Variants in FBRSL1 observed in about 807,000 individuals in gnomAD.
FBRSL1 encodes the protein fibrosin-1-like protein.
Under a neutral mutation model 89.6 loss-of-function variants are expected in FBRSL1, and 51 were observed. The ratio of observed to expected loss-of-function variants is 0.57; its 90% confidence interval spans 0.45 to 0.72. The LOEUF is 0.72. Among genes scored for constraint, FBRSL1 ranks in the 30% least tolerant of loss-of-function variants. The pLI is 0.00. For missense variants in FBRSL1, 1,618 were observed against 1,451.8 expected (o/e 1.11, Z -1.86); for synonymous variants, 779 against 681.1 (o/e 1.14, Z -2.24).
At chr12:132,582,402 G>A in intron 18 of FBRSL1, 136 bp downstream of exon 18, 2 of 635,844 alleles carry the variant, frequency 3.1e-6, no homozygotes, top group Non-Finnish European at 5.3e-6. Context: ...CCCTCCCCCT[G>A]TTCCCCTTCC....
chr12:132,528,412 G>A (rs978800623), intron 4 of FBRSL1, among the ~76,000 whole-genome samples: 1 of 152,160 alleles, frequency 6.6e-6, no homozygotes, highest in African/African-American at 2.4e-5. Context: ...TGCCCATGGT[G>A]TGAGCAGCCA....
chr12:132,551,494 G>A (rs1012809213), intron 5 of FBRSL1: 1 of 456,210 alleles, frequency 2.2e-6, no homozygotes, highest in African/African-American at 2.0e-5. Context: ...GAGTGGTGGG[G>A]AGGGCGCGGG....
intron 1 of FBRSL1, among the ~76,000 whole-genome samples, chr12:132,496,246 C>T (rs1048166054): frequency 6.6e-6 from 1 of 152,200 alleles, no homozygotes; most frequent in African/African-American, 2.4e-5. Flanking sequence ...GCTCTCGTGC[C>T]CCAGCTGTCC....
chr12:132,572,117 G>A lies in FBRSL1; in HGVS notation c.1378-171G>A, dbSNP rs576715212. The stretch of plus-strand genomic sequence containing the variant: ...CCGCCCTGGTCTGAGACTGAGTTCA[G>A]AGCCGTGGGGCTGGCGCTCTAGAGG... On this transcript the variant is annotated intron_variant, in intron 9 of 18. Coordinates refer to ENST00000680143, the MANE Select transcript of FBRSL1 (RefSeq NM_001367871.1). 2.8e-4 allele frequency: 174 copies of A among 617,078 alleles called. No homozygotes were observed. In the East Asian group the frequency reaches 4.7e-3, roughly 17 times the overall value. 38.2% of individuals were successfully genotyped at this position (617,078 alleles called of 1,614,324 possible). A position where few individuals can be genotyped will look rare whatever the true frequency, so the allele number is the denominator to read the frequency against.
In FBRSL1 at chr12:132,583,864, C is replaced by G. The variant is rs915000984; in HGVS notation, c.*86C>G. ...CCTAGAACTCAAGCACAGCTCCCGC[C>G]GATCCTGGGGCGGCGCCGCCTCTCC... is the stretch of plus-strand genomic sequence containing the variant. On this transcript the variant is annotated 3_prime_UTR_variant, in exon 19 of 19. Transcript: ENST00000680143. 5 of 825,246 alleles carry G rather than the reference C, an allele frequency of 6.1e-6. No homozygotes were observed. The highest frequency in any genetic ancestry group is 7.7e-6 in the Non-Finnish European group (5 of 650,656). The allele number at this position is 825,246 out of a possible 1,614,324, so 51.1% of individuals were successfully genotyped here. A position where few individuals can be genotyped will look rare whatever the true frequency, so the allele number is the denominator to read the frequency against.
At chr12:132,541,521 T>A (rs1351329645) in intron 4 of FBRSL1, among the ~76,000 whole-genome samples, 1 of 152,194 alleles carries the variant, frequency 6.6e-6, no homozygotes, top group Non-Finnish European at 1.5e-5. Context: ...GGCAGCCCAG[T>A]TCTGCCCATG....
rs940191236 is a variant in FBRSL1 at position 132,509,731 on chromosome 12, C to T, written c.489+1381C>T. The T allele has an allele frequency of 7.1e-5, 87 of 1,231,322 alleles. No individual in the cohort carries two copies. The Middle Eastern group carries it at 9.4e-4, about 13-fold the overall frequency. 76.3% of individuals were successfully genotyped at this position (1,231,322 alleles called of 1,614,324 possible). A position where few individuals can be genotyped will look rare whatever the true frequency, so the allele number is the denominator to read the frequency against. Reference sequence around the variant, plus strand: ...TGGCACCGCTGCCGACCCCTGCGGCCGTGGGCCAGCCCGTGTCACTGTGGC... The same window carrying T: ...TGGCACCGCTGCCGACCCCTGCGGCTGTGGGCCAGCCCGTGTCACTGTGGC... On this transcript the variant is annotated intron_variant, in intron 2 of 18. Coordinates refer to ENST00000680143, the MANE Select transcript of FBRSL1 (RefSeq NM_001367871.1).
At chr12:132,545,748 G>A (rs986734831) in intron 4 of FBRSL1, among the ~76,000 whole-genome samples, 2 of 152,216 alleles carry the variant, frequency 1.3e-5, no homozygotes, top group Non-Finnish European at 1.5e-5. Flanking sequence ...CCCAGGCCAC[G>A]GGTGCACCCA....
At chr12:132,494,850 T>C (rs1157916676) in intron 1 of FBRSL1, among the ~76,000 whole-genome samples, 1 of 151,912 alleles carries the variant, frequency 6.6e-6, no homozygotes, top group African/African-American at 2.4e-5. Flanking sequence ...TGGCCAGCGG[T>C]CTCCTCTAAC....
intron 2 of FBRSL1, chr12:132,509,568 C>G (rs1371886309): frequency 8.1e-7 from 1 of 1,232,522 alleles, no homozygotes; most frequent in East Asian, 3.2e-5. Context: ...CCTGCTGACC[C>G]CGTGTCACCA....
At chr12:132,507,923 TC>T (rs1469853517) in intron 1 of FBRSL1, among the ~76,000 whole-genome samples, 1 of 152,086 alleles carries the variant, frequency 6.6e-6, no homozygotes, top group Non-Finnish European at 1.5e-5. Flanking sequence ...TCTGGCCCCT[TC>T]GATGGCTGAG....
rs1457495962 is a variant in FBRSL1 at position 132,572,280 on chromosome 12, C to G, written c.1378-8C>G. On this transcript the variant is annotated splice_region_variant and splice_polypyrimidine_tract_variant and intron_variant, in intron 9 of 18. Transcript: ENST00000680143. The stretch of plus-strand genomic sequence containing the variant: ...GCGGGGCCTCACCCTCCTCTCCTTC[C>G]CTTCCAGTTTGACAAGTATGCGCCC... 1 of 1,550,920 alleles carries G rather than the reference C, an allele frequency of 6.4e-7. No homozygotes were observed. Among genetic ancestry groups the G allele is most frequent in the East Asian group, 2.4e-5 (1 of 40,880 alleles).
At chr12:132,534,825 G>C (rs1456536175) in intron 4 of FBRSL1, among the ~76,000 whole-genome samples, 1 of 152,224 alleles carries the variant, frequency 6.6e-6, no homozygotes, top group Non-Finnish European at 1.5e-5. Flanking sequence ...CATTCTGCAG[G>C]TCAGAGCCCC....
At chr12:132,570,594 C>T in intron 8 of FBRSL1, 54 bp downstream of exon 8, 1 of 1,397,442 alleles carries the variant, frequency 7.2e-7, no homozygotes, top group Admixed American at 2.6e-5. Flanking sequence ...GGTGCGGGGA[C>T]ACGGCCACCG....
intron 4 of FBRSL1, among the ~76,000 whole-genome samples, chr12:132,529,323 GAGCAGGA>G (rs1349513023): frequency 1.3e-5 from 2 of 152,238 alleles, no homozygotes; most frequent in East Asian, 3.8e-4. Flanking sequence ...GCTGGTGGCA[GAGCAGGA>G]AGCGGCAAGG....
At position 132,497,392 on chromosome 12, in the gene FBRSL1, C is replaced by T. The variant is rs114690946; in HGVS notation, c.291+6531C>T. On this transcript the variant is annotated intron_variant, in intron 1 of 18. Coordinates refer to ENST00000680143, the MANE Select transcript of FBRSL1 (RefSeq NM_001367871.1). ...TAAGTAGGAGGACCACAGAGCTGGC[C>T]CAAGGTCCCAGGGCAGACCCAGTCT... Among the ~76,000 whole-genome samples the T allele has an allele frequency of 4.7e-3, 708 of 152,060 alleles. 3 individuals are homozygous for T. Among genetic ancestry groups the T allele is most frequent in the African/African-American group, 0.016 (655 of 41,478 alleles).
chr12:132,578,368 A>ACACACACACACACAC (rs1566244750), intron 15 of FBRSL1, among the ~76,000 whole-genome samples: 266 of 26,556 alleles, frequency 0.01, 2 homozygotes, highest in African/African-American at 0.025. Flanking sequence ...CACACACACA[A>ACACACACACACACAC]AATCATAGAG....
intron 4 of FBRSL1, among the ~76,000 whole-genome samples, chr12:132,534,563 A>G (rs1168073695): frequency 6.6e-6 from 1 of 152,224 alleles, no homozygotes; most frequent in African/African-American, 2.4e-5. Flanking sequence ...CACAGGGCTC[A>G]CTTCCCGCAG....
rs1374041760 is a variant in FBRSL1, at chr12:132,584,492, C to G, written c.*714C>G. 6.6e-6 allele frequency: 1 copy of G among 152,214 alleles called. No homozygotes were observed. The highest frequency in any genetic ancestry group is 2.4e-5 in the African/African-American group (1 of 41,446). 9.4% of individuals were successfully genotyped at this position (152,214 alleles called of 1,614,324 possible). A position where few individuals can be genotyped will look rare whatever the true frequency, so the allele number is the denominator to read the frequency against. ...TCTAACATGGTCACAAAAACCCAGG[C>G]GCTGCTGGCTGTAAACATTATCAGA... On this transcript the variant is annotated 3_prime_UTR_variant, in exon 19 of 19. Transcript: ENST00000680143.
Sources: allele counts gnomAD v4.1 joint callset (sites outside exome capture counted in the v4.1 genomes callset), GRCh38; gene constraint gnomAD v4.1.1; transcripts MANE v1.5; gene names NCBI Gene and HGNC (gene_info 2026-07-23, HGNC 2026-07-21).